Variants in KLHL14 observed in about 807,000 individuals in gnomAD.
KLHL14 encodes the protein kelch-like protein 14.
In KLHL14, 22 loss-of-function variants were observed where a neutral mutation model predicts 64.3. That is an observed-to-expected ratio of 0.34 (90% CI 0.24 to 0.49). The LOEUF (loss-of-function observed/expected upper bound fraction) is 0.49. Among genes scored for constraint, KLHL14 ranks in the 20% least tolerant of loss-of-function variants. The pLI is 0.99. For synonymous variants in KLHL14, 322 were observed against 333.4 expected (o/e 0.97, Z 0.37); for missense variants, 661 against 789.0 (o/e 0.84, Z 1.94).
chr18:32,682,639 A>G (rs1405902049), intron 5 of KLHL14, among the ~76,000 whole-genome samples: 1 of 152,216 alleles, frequency 6.6e-6, no homozygotes, highest in Non-Finnish European at 1.5e-5. Context: ...AAAATTTCAA[A>G]GCAGTTGCAA....
chr18:32,724,583 G>C (rs1443878873), intron 3 of KLHL14, among the ~76,000 whole-genome samples: 1 of 152,110 alleles, frequency 6.6e-6, no homozygotes, highest in Non-Finnish European at 1.5e-5. Flanking sequence ...CAACACAATG[G>C]GGATAGTAAT....
rs145277382 is a variant in KLHL14, at chr18:32,683,706, C to T, written c.1239-3107G>A. ...AGTTTTAAAAAGATTAATAATAATGCGTACAAATATACTTTACACTCTGCT... is the reference window on the plus strand; with the variant it reads ...AGTTTTAAAAAGATTAATAATAATGTGTACAAATATACTTTACACTCTGCT... On this transcript the variant is annotated intron_variant, in intron 5 of 8. Coordinates refer to ENST00000359358, the MANE Select transcript of KLHL14 (RefSeq NM_020805.3). This position sits in a 1 kb window ranked among gnomAD's most constrained non-coding sequence, Gnocchi z 4.2. 9.6e-3 allele frequency among the ~76,000 whole-genome samples: 1,466 copies of T among 152,250 alleles called. 9 individuals carry two copies. Among genetic ancestry groups the T allele is most frequent in the Non-Finnish European group, 0.015 (1,048 of 68,010 alleles).
chr18:32,726,820 C>T (rs1443191274), intron 3 of KLHL14, among the ~76,000 whole-genome samples: 1 of 152,150 alleles, frequency 6.6e-6, no homozygotes, highest in African/African-American at 2.4e-5. Flanking sequence ...GTGCTCTCTT[C>T]ACCCTCATCA....
At chr18:32,713,737 A>G (rs1287084350) in intron 3 of KLHL14, among the ~76,000 whole-genome samples, 2 of 152,314 alleles carry the variant, frequency 1.3e-5, no homozygotes, top group African/African-American at 4.8e-5. Flanking sequence ...GTAGATGTTC[A>G]TTAATAGTTT....
intron 3 of KLHL14, among the ~76,000 whole-genome samples, chr18:32,741,477 C>T (rs2050197127): frequency 6.6e-6 from 1 of 152,176 alleles, no homozygotes; most frequent in Non-Finnish European, 1.5e-5. Flanking sequence ...CCCAGTTCCA[C>T]AGACTAAATA....
intron 3 of KLHL14, among the ~76,000 whole-genome samples, chr18:32,741,302 C>T (rs1031252633): frequency 2.0e-4 from 30 of 152,138 alleles, no homozygotes; most frequent in Admixed American, 2.6e-4. Flanking sequence ...AATCTCAGTG[C>T]CCAAGGCAAG....
In KLHL14 at chr18:32,770,215, A is replaced by C. The variant is rs1341011043; in HGVS notation, c.377T>G (p.Val126Gly). The C allele has an allele frequency of 6.2e-7, 1 of 1,609,514 alleles. No homozygotes were observed. The highest frequency in any genetic ancestry group is 2.2e-5 in the East Asian group (1 of 44,736). ...LTSPRAINNL[V>G]LQGCSSIGLR... Reference sequence around the variant, plus strand: ...CCCGATGGACGAGCAGCCCTGCAGCACCAGGTTGTTGATGGCCCGGGGGCT... The same window carrying C: ...CCCGATGGACGAGCAGCCCTGCAGCCCCAGGTTGTTGATGGCCCGGGGGCT... Residue 126 changes from valine (V) to glycine (G), a missense_variant, in exon 2 of 9, where the codon GTG (valine) becomes GGG (glycine). Coordinates refer to ENST00000359358, the MANE Select transcript of KLHL14 (RefSeq NM_020805.3). The surrounding 1 kb of genome is among the most constrained non-coding windows in gnomAD (Gnocchi z 6.7).
intron 3 of KLHL14, among the ~76,000 whole-genome samples, chr18:32,727,460 C>A (rs1022732316): frequency 1.7e-4 from 26 of 152,286 alleles, no homozygotes; most frequent in African/African-American, 5.8e-4. Context: ...GGAATTACAT[C>A]TGGAAACTTA....
At chr18:32,714,080 T>A (rs1006319586) in intron 3 of KLHL14, among the ~76,000 whole-genome samples, 1 of 152,220 alleles carries the variant, frequency 6.6e-6, no homozygotes, top group Non-Finnish European at 1.5e-5. Context: ...AATTTAGTAA[T>A]GCTTTTTTAC....
At position 32,705,030 on chromosome 18, in the gene KLHL14, G is replaced by A. The variant is rs146755964; in HGVS notation, c.1070-9478C>T. On this transcript the variant is annotated intron_variant, in intron 3 of 8. Transcript: ENST00000359358. Reference sequence around the variant, plus strand: ...AAAGAGATTTTTCCAGGCTGTTGCAGCAGTAAATGTCATTACTGGGAAAAG... The same window carrying A: ...AAAGAGATTTTTCCAGGCTGTTGCAACAGTAAATGTCATTACTGGGAAAAG... Among the ~76,000 whole-genome samples the A allele has an allele frequency of 8.9e-3, 1,353 of 152,324 alleles. 7 individuals are homozygous for A. Among genetic ancestry groups the A allele is most frequent in the Non-Finnish European group, 0.014 (943 of 68,030 alleles).
chr18:32,705,981 A>G (rs2049988267), intron 3 of KLHL14, among the ~76,000 whole-genome samples: 1 of 152,186 alleles, frequency 6.6e-6, no homozygotes, highest in South Asian at 2.1e-4. Flanking sequence ...TTCTGGAAGC[A>G]ATTGGTAGCA....
chr18:32,708,125 TA>T (rs1388363339), intron 3 of KLHL14, among the ~76,000 whole-genome samples: 4 of 152,176 alleles, frequency 2.6e-5, no homozygotes. Flanking sequence ...GCTCATTCAA[TA>T]AACTGATTAT....
rs200605696 is a variant in KLHL14 at position 32,772,094 on chromosome 18, G to GCGCCGGCC, written c.-44+565_-44+572dup. On this transcript the variant is annotated intron_variant, in intron 1 of 8. Coordinates refer to ENST00000359358, the MANE Select transcript of KLHL14 (RefSeq NM_020805.3). ...GACCCTCTGCTTGCATCCCGCCCGCGCGCCGGCCCGCCGGCCCGCCGGCCC... is the reference window on the plus strand; with the variant it reads ...GACCCTCTGCTTGCATCCCGCCCGCGCGCCGGCCCGCCGGCCCGCCGGCCCGCCGGCCC... The GCGCCGGCC allele has an allele frequency of 1.7e-4, 39 of 227,912 alleles. No homozygotes were observed. In the East Asian group the frequency reaches 4.7e-3, roughly 27 times the overall value. The allele number at this position is 227,912 out of a possible 1,614,324, so 14.1% of individuals were successfully genotyped here. A position where few individuals can be genotyped will look rare whatever the true frequency, so the allele number is the denominator to read the frequency against.
At chr18:32,695,386 C>T in intron 4 of KLHL14, 77 bp downstream of exon 4, 3 of 895,714 alleles carry the variant, frequency 3.3e-6, no homozygotes, top group Non-Finnish European at 5.6e-6. Context: ...ACACTAATTA[C>T]AAAATGGACT....
chr18:32,757,187 C>G (rs2050286402), intron 2 of KLHL14, among the ~76,000 whole-genome samples: 1 of 152,196 alleles, frequency 6.6e-6, no homozygotes, highest in Non-Finnish European at 1.5e-5. Context: ...GTTGGCCAAT[C>G]TTCCATATCC....
intron 3 of KLHL14, among the ~76,000 whole-genome samples, chr18:32,701,548 C>T (rs761393683): frequency 6.6e-6 from 1 of 152,128 alleles, no homozygotes; most frequent in Non-Finnish European, 1.5e-5. Context: ...AAATGCAGGT[C>T]TTCATGAGCC....
chr18:32,752,778 C>CTTT (rs61338140), intron 2 of KLHL14, among the ~76,000 whole-genome samples: 1 of 95,428 alleles, frequency 1.0e-5, no homozygotes, highest in African/African-American at 4.1e-5. Context: ...AATGTGGGAA[C>CTTT]TTTTTTTTTT....
intron 3 of KLHL14, among the ~76,000 whole-genome samples, chr18:32,720,681 A>G (rs112927336): frequency 0.031 from 4,363 of 142,700 alleles, 95 homozygotes; most frequent in Non-Finnish European, 0.049. Flanking sequence ...AAGAGTAACT[A>G]GAATAAAAAA....
At chr18:32,736,806 A>T (rs1317931330) in intron 3 of KLHL14, among the ~76,000 whole-genome samples, 1 of 151,864 alleles carries the variant, frequency 6.6e-6, no homozygotes, top group Non-Finnish European at 1.5e-5. Context: ...ATTCCTACCC[A>T]TTTTTTCAGA....
Sources: allele counts gnomAD v4.1 joint callset (sites outside exome capture counted in the v4.1 genomes callset), GRCh38; gene constraint gnomAD v4.1.1; non-coding constraint Gnocchi (gnomAD v3.1); transcripts MANE v1.5; gene names NCBI Gene and HGNC (gene_info 2026-07-23, HGNC 2026-07-21).